Variants in FHIT observed in about 807,000 individuals in gnomAD.
FHIT encodes the protein fragile histidine triad diadenosine triphosphatase.
In FHIT, 19 loss-of-function variants were observed where a neutral mutation model predicts 17.9. The observed-to-expected ratio is 1.06, with a 90% CI of 0.74 to 1.56. The LOEUF (loss-of-function observed/expected upper bound fraction) is 1.56. Among genes scored for constraint, FHIT ranks in the 40% most tolerant of loss-of-function variants. The pLI is 0.00. For missense variants in FHIT, 248 were observed against 189.2 expected, an observed-to-expected ratio of 1.31 and a Z score of -1.82; for synonymous variants, 81 against 69.7, an observed-to-expected ratio of 1.16 and a Z score of -0.81.
At chr3:60,429,303 AG>A (rs1414507375) in intron 5 of FHIT, among the ~76,000 whole-genome samples, 3 of 152,224 alleles carry the variant, frequency 2.0e-5, no homozygotes, top group Admixed American at 1.3e-4. Context: ...AATAAAAAAA[AG>A]TCCTAGAAAT....
intron 5 of FHIT, among the ~76,000 whole-genome samples, chr3:60,412,119 A>C (rs1702083053): frequency 6.6e-6 from 1 of 152,132 alleles, no homozygotes; most frequent in Non-Finnish European, 1.5e-5. Context: ...ACATACCTGT[A>C]GTCTCAACTA....
chr3:59,873,898 G>A (rs1056872451), intron 8 of FHIT, among the ~76,000 whole-genome samples: 8 of 152,084 alleles, frequency 5.3e-5, no homozygotes, highest in African/African-American at 1.9e-4. Context: ...CAGCAACCTT[G>A]CTCTGTTCTC....
At chr3:59,980,657 G>A (rs957538625) in intron 7 of FHIT, among the ~76,000 whole-genome samples, 1 of 152,158 alleles carries the variant, frequency 6.6e-6, no homozygotes, top group African/African-American at 2.4e-5. Context: ...TGTCCCACAA[G>A]GAGGCAAGGG....
At chr3:60,912,736 C>T in intron 3 of FHIT, 1 of 515,554 alleles carries the variant, frequency 1.9e-6, no homozygotes, top group South Asian at 1.4e-5. Flanking sequence ...TCCATTAGTT[C>T]CCCCATATAT....
intron 4 of FHIT, among the ~76,000 whole-genome samples, chr3:60,814,661 C>T (rs1055476105): frequency 6.6e-6 from 1 of 152,062 alleles, no homozygotes; most frequent in Non-Finnish European, 1.5e-5. Context: ...AGTGCTGTGA[C>T]AATGAACATG....
At chr3:61,166,696 C>T (rs1316522719) in intron 2 of FHIT, among the ~76,000 whole-genome samples, 1 of 152,174 alleles carries the variant, frequency 6.6e-6, no homozygotes, top group South Asian at 2.1e-4. Flanking sequence ...AACTGCAGAT[C>T]GTCTTTCCTG....
At chr3:60,550,493 C>A (rs116537591) in intron 4 of FHIT, among the ~76,000 whole-genome samples, 1 of 152,008 alleles carries the variant, frequency 6.6e-6, no homozygotes, top group Non-Finnish European at 1.5e-5. Flanking sequence ...CAATTGTTAA[C>A]AAGTCAAAGA....
intron 5 of FHIT, among the ~76,000 whole-genome samples, chr3:60,439,881 G>A (rs80155745): frequency 0.016 from 2,373 of 152,178 alleles, 73 homozygotes; most frequent in African/African-American, 0.052. Flanking sequence ...CTGTGGGCAA[G>A]AGATGCACAT....
chr3:59,823,201 A>G (rs909439310), intron 8 of FHIT, among the ~76,000 whole-genome samples: 3 of 152,176 alleles, frequency 2.0e-5, no homozygotes, highest in Non-Finnish European at 2.9e-5. Context: ...ATGGCCTTAT[A>G]GTATAGTTCA....
chr3:59,954,400 T>G (rs1292041394), intron 7 of FHIT, among the ~76,000 whole-genome samples: 1 of 152,154 alleles, frequency 6.6e-6, no homozygotes, highest in Admixed American at 6.5e-5. Context: ...TAGTGCTTCT[T>G]GTAGAGACAC....
At chr3:60,327,642 C>T (rs1315846014) in intron 5 of FHIT, among the ~76,000 whole-genome samples, 1 of 152,044 alleles carries the variant, frequency 6.6e-6, no homozygotes, top group African/African-American at 2.4e-5. Flanking sequence ...ATTTATCATT[C>T]CAGAACAAAG....
chr3:60,151,663 C>T (rs1700470712), intron 5 of FHIT, among the ~76,000 whole-genome samples: 1 of 152,144 alleles, frequency 6.6e-6, no homozygotes, highest in East Asian at 1.9e-4. Context: ...GTCTTTCTTG[C>T]TGTTCCTTCA....
At chr3:60,095,438 G>A (rs1307254606) in intron 5 of FHIT, among the ~76,000 whole-genome samples, 2 of 152,152 alleles carry the variant, frequency 1.3e-5, no homozygotes, top group African/African-American at 4.8e-5. Flanking sequence ...AGAGAAAATT[G>A]GAGAGCTTAA....
chr3:61,205,240 G>C (rs1184804075), intron 1 of FHIT, among the ~76,000 whole-genome samples: 2 of 152,058 alleles, frequency 1.3e-5, no homozygotes, highest in Non-Finnish European at 2.9e-5. Context: ...ATTTGGGTCG[G>C]TTCCAAGTCT....
At chr3:60,595,922 G>T (rs923322511) in intron 4 of FHIT, among the ~76,000 whole-genome samples, 1 of 151,826 alleles carries the variant, frequency 6.6e-6, no homozygotes, top group Non-Finnish European at 1.5e-5. Flanking sequence ...ACCATGCCTG[G>T]TCCCATAATA....
intron 4 of FHIT, among the ~76,000 whole-genome samples, chr3:60,601,058 C>T (rs1177595031): frequency 6.6e-6 from 1 of 152,120 alleles, no homozygotes; most frequent in Non-Finnish European, 1.5e-5. Flanking sequence ...GGAAGGGTCC[C>T]CAGAGTTTGT....
chr3:60,357,093 T>C (rs1385794731), intron 5 of FHIT, among the ~76,000 whole-genome samples: 2 of 152,190 alleles, frequency 1.3e-5, no homozygotes, highest in Non-Finnish European at 2.9e-5. Context: ...TGGTCCATGA[T>C]ATGTTTTGAT....
chr3:59,759,931 G>A (rs1419734543), intron 8 of FHIT, among the ~76,000 whole-genome samples: 1 of 151,854 alleles, frequency 6.6e-6, no homozygotes, highest in Non-Finnish European at 1.5e-5. Context: ...AGAAAAATAT[G>A]TTCATTGCTT....
At chr3:60,350,360 C>T (rs1267978540) in intron 5 of FHIT, among the ~76,000 whole-genome samples, 1 of 152,160 alleles carries the variant, frequency 6.6e-6, no homozygotes, top group African/African-American at 2.4e-5. Context: ...AGCTACTAAT[C>T]TCTAACCAAT....
Sources: gnomAD v4.1 joint callset for allele counts (sites outside exome capture counted in the v4.1 genomes callset) on GRCh38, gnomAD v4.1.1 for gene constraint, MANE v1.5 for transcripts, NCBI Gene and HGNC (gene_info 2026-07-23, HGNC 2026-07-21) for gene names.